MYRIP: variants seen among roughly 807,000 people sequenced by gnomAD.
MYRIP encodes the protein rab effector MyRIP.
In MYRIP, 49 loss-of-function variants were observed where a neutral mutation model predicts 98.0. The ratio of observed to expected loss-of-function variants is 0.50; its 90% CI spans 0.40 to 0.63. The LOEUF is 0.63. Among genes scored for constraint, MYRIP ranks in the 30% least tolerant of loss-of-function variants. MYRIP has a pLI of 0.00. For synonymous variants in MYRIP, 404 were observed against 409.5 expected, an observed-to-expected ratio of 0.99 and a Z score of 0.16; for missense variants, 1,004 against 1,058.2, an observed-to-expected ratio of 0.95 and a Z score of 0.71.
At chr3:39,822,460 T>G (rs1211873495) in intron 1 of MYRIP, among the ~76,000 whole-genome samples, 1 of 151,558 alleles carries the variant, frequency 6.6e-6, no homozygotes, top group Admixed American at 6.6e-5. Context: ...ATGAGATTTT[T>G]TTTTGCGATT....
At chr3:39,989,171 G>GT (rs1448512746) in intron 2 of MYRIP, among the ~76,000 whole-genome samples, 1 of 152,050 alleles carries the variant, frequency 6.6e-6, no homozygotes, top group African/African-American at 2.4e-5. Context: ...ATTGATCTTT[G>GT]TGGCTGCTGA....
At chr3:39,896,792 G>A (rs1006070626) in intron 1 of MYRIP, among the ~76,000 whole-genome samples, 3 of 151,858 alleles carry the variant, frequency 2.0e-5, no homozygotes, top group Admixed American at 1.3e-4. Flanking sequence ...TATCACTTAC[G>A]TACACATTGA....
At chr3:39,879,777 C>A (rs565406198) in intron 1 of MYRIP, among the ~76,000 whole-genome samples, 5 of 152,258 alleles carry the variant, frequency 3.3e-5, no homozygotes, top group Non-Finnish European at 5.9e-5. Flanking sequence ...GTTCACTGGC[C>A]TCCTTGGCAT....
intron 1 of MYRIP, among the ~76,000 whole-genome samples, chr3:39,846,675 C>T (rs1941974944): frequency 6.6e-6 from 1 of 152,146 alleles, no homozygotes; most frequent in African/African-American, 2.4e-5. Flanking sequence ...CCTGCTGATC[C>T]CTAAATCCTT....
At chr3:40,163,239 A>C (rs1950433317) in intron 5 of MYRIP, among the ~76,000 whole-genome samples, 1 of 152,216 alleles carries the variant, frequency 6.6e-6, no homozygotes, top group South Asian at 2.1e-4. Flanking sequence ...ATTTCAAATA[A>C]AATTTTATCA....
rs1383676368 is a variant in MYRIP, at chr3:40,084,819, A to G, written c.332+40548A>G. 1.8e-4 allele frequency among the ~76,000 whole-genome samples: 7 copies of G among 39,630 alleles called. 2 individuals are homozygous for G. Among genetic ancestry groups the G allele is most frequent in the African/African-American group, 4.9e-4 (7 of 14,290 alleles). 26.0% of individuals were successfully genotyped at this position (39,630 alleles called of 152,430 possible). ...TAGATAATATATATCTATGTGTTACATGTCGATAGATAATATATATCTATG... is the reference window on the plus strand; with the variant it reads ...TAGATAATATATATCTATGTGTTACGTGTCGATAGATAATATATATCTATG... On this transcript the variant is annotated intron_variant, in intron 3 of 16. Coordinates refer to ENST00000302541, the MANE Select transcript of MYRIP (RefSeq NM_015460.4).
intron 3 of MYRIP, among the ~76,000 whole-genome samples, chr3:40,086,005 G>C (rs1225180469): frequency 1.3e-5 from 2 of 151,934 alleles, no homozygotes; most frequent in Non-Finnish European, 2.9e-5. Flanking sequence ...ATAATACCAA[G>C]AGCAACCACT....
At chr3:40,034,756 A>C (rs1391999481) in intron 2 of MYRIP, among the ~76,000 whole-genome samples, 4 of 151,896 alleles carry the variant, frequency 2.6e-5, no homozygotes, top group Admixed American at 1.3e-4. Context: ...TCATGCTGCT[A>C]TAAAGACACA....
chr3:40,211,381 A>G (rs1240659263), intron 11 of MYRIP, among the ~76,000 whole-genome samples: 1 of 152,128 alleles, frequency 6.6e-6, no homozygotes, highest in Non-Finnish European at 1.5e-5. Context: ...TGAAGTGAAG[A>G]CCATTACCCG....
At chr3:40,099,835 A>G (rs184964605) in intron 3 of MYRIP, among the ~76,000 whole-genome samples, 134 of 152,126 alleles carry the variant, frequency 8.8e-4, no homozygotes, top group Middle Eastern at 3.4e-3. Context: ...AGAAAGTGGG[A>G]AAAAAAAGTA....
At chr3:40,103,218 C>T (rs1226297061) in intron 3 of MYRIP, among the ~76,000 whole-genome samples, 1 of 152,120 alleles carries the variant, frequency 6.6e-6, no homozygotes, top group Non-Finnish European at 1.5e-5. Flanking sequence ...ACAGCAGTGG[C>T]TCCTGCATGC....
intron 10 of MYRIP, among the ~76,000 whole-genome samples, chr3:40,193,116 C>T (rs1007008994): frequency 1.3e-5 from 2 of 151,934 alleles, no homozygotes; most frequent in Non-Finnish European, 2.9e-5. Context: ...TCACAGTGCA[C>T]ACCCAAAAAC....
At chr3:40,037,603 G>T (rs375957467) in intron 2 of MYRIP, among the ~76,000 whole-genome samples, 3 of 152,056 alleles carry the variant, frequency 2.0e-5, no homozygotes, top group African/African-American at 7.2e-5. Context: ...GAGTTCTGTT[G>T]ACTCTCATCT....
chr3:40,025,902 G>A (rs1010208093), intron 2 of MYRIP, among the ~76,000 whole-genome samples: 15 of 152,118 alleles, frequency 9.9e-5, no homozygotes, highest in African/African-American at 3.1e-4. Context: ...AAGGCAAAGA[G>A]CAAAATTAGA....
intron 2 of MYRIP, among the ~76,000 whole-genome samples, chr3:39,982,234 TTAATA>T (rs1945913141): frequency 6.6e-6 from 1 of 152,198 alleles, no homozygotes; most frequent in Non-Finnish European, 1.5e-5. Flanking sequence ...CCAAGTCAAC[TTAATA>T]TAATTGGTGA....
chr3:39,951,800 C>G (rs1339898775), intron 2 of MYRIP, among the ~76,000 whole-genome samples: 1 of 152,106 alleles, frequency 6.6e-6, no homozygotes, highest in African/African-American at 2.4e-5. Flanking sequence ...TCTACTTTGA[C>G]TAAAATGCTT....
rs1305861856 is a variant in MYRIP, at chr3:40,042,353, A to G, written c.111-1697A>G. Reference sequence around the variant, plus strand: ...CACTACAGGGGCTAATTGACTATGTATATAAACTGATGGGGTGGTCTAGGC... The same window carrying G: ...CACTACAGGGGCTAATTGACTATGTGTATAAACTGATGGGGTGGTCTAGGC... On this transcript the variant is annotated intron_variant, in intron 2 of 16. Transcript: ENST00000302541. Among the ~76,000 whole-genome samples the G allele has an allele frequency of 2.0e-5, 3 of 151,876 alleles. No individual in the cohort carries two copies. In the East Asian group the frequency reaches 5.8e-4, roughly 29 times the overall value.
intron 2 of MYRIP, among the ~76,000 whole-genome samples, chr3:39,980,943 A>G (rs1267949249): frequency 6.6e-6 from 1 of 152,198 alleles, no homozygotes; most frequent in Non-Finnish European, 1.5e-5. Flanking sequence ...TACAAGACGA[A>G]GAGAATTATG....
chr3:39,966,554 A>G (rs1052527879), intron 2 of MYRIP, among the ~76,000 whole-genome samples: 1 of 152,196 alleles, frequency 6.6e-6, no homozygotes, highest in African/African-American at 2.4e-5. Flanking sequence ...GTTTTGTTTA[A>G]AAAGGTGTGA....
Sources: allele counts gnomAD v4.1 joint callset (sites outside exome capture counted in the v4.1 genomes callset), GRCh38; gene constraint gnomAD v4.1.1; transcripts MANE v1.5; gene names NCBI Gene and HGNC (gene_info 2026-07-23, HGNC 2026-07-21).